Variants in OPRM1 observed in about 807,000 individuals in gnomAD.
OPRM1 encodes mu-type opioid receptor.
In OPRM1, 27 loss-of-function variants were observed where a neutral mutation model predicts 31.8. The observed-to-expected ratio is 0.85, with a 90% CI of 0.63 to 1.17. The LOEUF (loss-of-function observed/expected upper bound fraction) is 1.17, where lower values mean the gene tolerates loss of function less well. Ranked by LOEUF, OPRM1 falls within the 50% of genes most tolerant of loss-of-function variation. The pLI is 0.00. For synonymous variants in OPRM1, 196 were observed against 189.9 expected (o/e 1.03, Z -0.26); for missense variants, 536 against 511.1 (o/e 1.05, Z -0.47).
intron 3 of OPRM1, chr6:154,091,743 C>A: frequency 8.5e-7 from 1 of 1,179,564 alleles, no homozygotes; most frequent in Non-Finnish European, 1.0e-6. Flanking sequence ...TACTTCTATG[C>A]AAAATTTATG....
intron 1 of OPRM1, among the ~76,000 whole-genome samples, chr6:154,047,748 A>C (rs1781416797): frequency 6.6e-6 from 1 of 152,190 alleles, no homozygotes; most frequent in South Asian, 2.1e-4. Flanking sequence ...GTTTTAAATA[A>C]TATGTTAGCT....
In OPRM1 at chr6:154,221,259, G is replaced by A. The variant is rs200131779; in HGVS notation, c.1165-25434G>A. 1.6e-5 allele frequency: 26 copies of A among 1,613,146 alleles called. No individual in the cohort carries two copies. In the African/African-American group the frequency reaches 2.1e-4, roughly 13 times the overall value. On this transcript the variant is annotated intron_variant, in intron 3 of 3. Coordinates refer to the OPRM1 transcript ENST00000337049. ...GTTTACCAGTTTCCTCTACTTACACGTTCATTTCCTGCACATTCTCAGCTG... is the reference window on the plus strand; with the variant it reads ...GTTTACCAGTTTCCTCTACTTACACATTCATTTCCTGCACATTCTCAGCTG...
At chr6:154,233,112 G>C (rs1027924106) in intron 3 of OPRM1, among the ~76,000 whole-genome samples, 8 of 152,004 alleles carry the variant, frequency 5.3e-5, no homozygotes, top group African/African-American at 1.4e-4. Flanking sequence ...GGGGTTACAG[G>C]CATGTGCCGC....
At chr6:154,178,196 A>T (rs773300774) in intron 3 of OPRM1, among the ~76,000 whole-genome samples, 1 of 152,150 alleles carries the variant, frequency 6.6e-6, no homozygotes, top group Non-Finnish European at 1.5e-5. Context: ...GTAAATGATG[A>T]GTTGATGGCT....
chr6:154,103,433 C>T (rs901523644), intron 3 of OPRM1, among the ~76,000 whole-genome samples: 2 of 152,040 alleles, frequency 1.3e-5, no homozygotes, highest in Non-Finnish European at 2.9e-5. Flanking sequence ...TTACTGGACC[C>T]GGAAATTAGG....
upstream of OPRM1, among the ~76,000 whole-genome samples, chr6:154,037,868 T>G (rs1253600939): frequency 3.9e-5 from 6 of 152,114 alleles, no homozygotes; most frequent in Non-Finnish European, 8.8e-5. Context: ...TCAGGAATTA[T>G]TATACTGTGT....
At chr6:154,180,402 ATATATATATATATTTT>A (rs149817374) in intron 3 of OPRM1, among the ~76,000 whole-genome samples, 63,267 of 138,610 alleles carry the variant, frequency 0.46, 14,416 homozygotes, top group East Asian at 0.73. Context: ...ATATATATAT[ATATATATATATATTTT>A]TTTTTTAAAC....
Position 154,122,497 on chromosome 6 carries a change from G to A in OPRM1, c.*3776G>A, listed in dbSNP as rs980712246. ...CAGATTGTATTTAAGACCACTGCAA[G>A]TAAGGTCTAAGGCAAAAGTAAATTA... On this transcript the variant is annotated 3_prime_UTR_variant, in exon 4 of 4. Transcript: ENST00000330432. Among the ~76,000 whole-genome samples the A allele has an allele frequency of 1.3e-5, 2 of 152,202 alleles. No homozygotes were observed. Among genetic ancestry groups the A allele is most frequent in the African/African-American group, 4.8e-5 (2 of 41,460 alleles).
At chr6:154,060,697 C>T (rs1281354715) in intron 1 of OPRM1, among the ~76,000 whole-genome samples, 1 of 151,986 alleles carries the variant, frequency 6.6e-6, no homozygotes, top group Non-Finnish European at 1.5e-5. Flanking sequence ...TTTCTGCCTC[C>T]CTGGGAGAAA....
intron 3 of OPRM1, among the ~76,000 whole-genome samples, chr6:154,171,970 A>G (rs1799907781): frequency 6.6e-6 from 1 of 152,244 alleles, no homozygotes; most frequent in African/African-American, 2.4e-5. Flanking sequence ...ACAAACATCA[A>G]CAAGCAAACC....
intron 1 of OPRM1, among the ~76,000 whole-genome samples, chr6:154,078,210 T>C (rs116534885): frequency 1.3e-5 from 2 of 152,216 alleles, no homozygotes; most frequent in African/African-American, 2.4e-5. Context: ...ACTACCCATA[T>C]GTCAACTACT....
At chr6:154,199,672 G>T (rs1283525151) in intron 3 of OPRM1, 1 of 1,603,574 alleles carries the variant, frequency 6.2e-7, no homozygotes, top group South Asian at 1.1e-5. Flanking sequence ...GTTTACCTTT[G>T]TCCATGATCT....
chr6:154,039,256 CTCCGAA>C lies in OPRM1; in HGVS notation c.-285_-280del. 6.4e-7 allele frequency: 1 copy of C among 1,551,724 alleles called. No homozygotes were observed. Among genetic ancestry groups the C allele is most frequent in the Non-Finnish European group, 8.7e-7 (1 of 1,146,994 alleles). On this transcript the variant is annotated 5_prime_UTR_variant, in exon 1 of 4. Coordinates refer to ENST00000330432, the MANE Select transcript of OPRM1 (RefSeq NM_000914.5). ...TTTTCCCTCCTCCCTCCCTTCCAGC[CTCCGAA>C]TCCCGCATGGCCCACGCTCCCCTCC...
At chr6:154,032,534 C>T (rs544506616) in intron 1 of OPRM1, among the ~76,000 whole-genome samples, 1 of 152,328 alleles carries the variant, frequency 6.6e-6, no homozygotes, top group South Asian at 2.1e-4. Flanking sequence ...CTCCTGGGCT[C>T]AAGTGATCCT....
chr6:154,214,216 A>T (rs1320650612), intron 3 of OPRM1: 1 of 1,590,534 alleles, frequency 6.3e-7, no homozygotes, highest in East Asian at 2.2e-5. Context: ...AATAGAACAT[A>T]CCTTCATCCT....
intron 3 of OPRM1, chr6:154,154,686 T>A (rs1008859910): frequency 1.3e-5 from 2 of 152,340 alleles, no homozygotes; most frequent in Non-Finnish European, 2.9e-5. Flanking sequence ...GTAGTATATT[T>A]CAACTTTTTT....
chr6:154,030,512 A>G (rs59466893), intron 1 of OPRM1, among the ~76,000 whole-genome samples: 4,380 of 152,276 alleles, frequency 0.029, 202 homozygotes, highest in African/African-American at 0.1. Flanking sequence ...AAATGAGGAG[A>G]AAACAAGTAA....
chr6:154,065,010 G>T (rs1259251648), intron 1 of OPRM1, among the ~76,000 whole-genome samples: 2 of 152,128 alleles, frequency 1.3e-5, no homozygotes, highest in African/African-American at 4.8e-5. Context: ...GGATGAATTT[G>T]TCTATTTCAG....
chr6:154,239,850 T>A (rs1007072769), intron 3 of OPRM1, among the ~76,000 whole-genome samples: 1 of 152,136 alleles, frequency 6.6e-6, no homozygotes, highest in African/African-American at 2.4e-5. Flanking sequence ...ACTACAGGCA[T>A]ATCCACCACG....
Sources: gnomAD v4.1 joint callset for allele counts (sites outside exome capture counted in the v4.1 genomes callset) on GRCh38, gnomAD v4.1.1 for gene constraint, MANE v1.5 for transcripts, NCBI Gene and HGNC (gene_info 2026-07-23, HGNC 2026-07-21) for gene names.